The following BMPER variants were observed in gnomAD, a reference collection of about 807,000 sequenced individuals.
The protein encoded by BMPER is BMP binding endothelial regulator.
Under a neutral mutation model 87.3 loss-of-function variants are expected in BMPER, and 45 were observed. The ratio of observed to expected loss-of-function variants is 0.52; its 90% CI spans 0.41 to 0.66. The LOEUF (loss-of-function observed/expected upper bound fraction) is 0.66, where lower values mean the gene tolerates loss of function less well. Among genes scored for constraint, BMPER ranks in the 30% least tolerant of loss-of-function variants. The pLI is 0.00. For synonymous variants in BMPER, 326 were observed against 316.2 expected, an observed-to-expected ratio of 1.03 and a Z score of -0.33; for missense variants, 784 against 867.5, an observed-to-expected ratio of 0.90 and a Z score of 1.21.
chr7:34,031,352 C>T (rs2127951123), intron 6 of BMPER, among the ~76,000 whole-genome samples: 1 of 152,200 alleles, frequency 6.6e-6, no homozygotes, highest in South Asian at 2.1e-4. Flanking sequence ...CAAACCCCTC[C>T]TTAGGAAAAC....
chr7:33,970,278 A>G (rs774677595), intron 4 of BMPER, 51 bp from the exon 5 acceptor site: 2 of 1,573,112 alleles, frequency 1.3e-6, no homozygotes, highest in Non-Finnish European at 1.8e-6. Flanking sequence ...CAAAAGTAGT[A>G]ACTCCGTGGG....
rs74837974 is a variant in BMPER, at chr7:34,022,705, C to CAA, written c.577-23583_577-23582dup. The stretch of plus-strand genomic sequence containing the variant: ...TTGAACCAATCCCTTTAAGGTTTGC[C>CAA]AAAAAAAAAAAAAAAAAAAGGAAGA... On this transcript the variant is annotated intron_variant, in intron 6 of 14. Transcript: ENST00000649409. Among the ~76,000 whole-genome samples, 330 of 59,602 alleles carry CAA rather than the reference C, an allele frequency of 5.5e-3. 5 individuals are homozygous for CAA. The highest frequency in any genetic ancestry group is 0.024 in the Middle Eastern group (2 of 84). 39.1% of individuals were successfully genotyped at this position (59,602 alleles called of 152,430 possible).
At chr7:34,103,211 G>A (rs1789728657) in intron 13 of BMPER, among the ~76,000 whole-genome samples, 2 of 152,130 alleles carry the variant, frequency 1.3e-5, no homozygotes, top group Non-Finnish European at 2.9e-5. Context: ...TATGAAGTAT[G>A]ATGGAACAAA....
chr7:34,089,354 C>T (rs1390817820), intron 13 of BMPER, among the ~76,000 whole-genome samples: 1 of 152,158 alleles, frequency 6.6e-6, no homozygotes, highest in Non-Finnish European at 1.5e-5. Flanking sequence ...GGTTTCCTTA[C>T]TCTTACAACA....
intron 6 of BMPER, among the ~76,000 whole-genome samples, chr7:34,004,730 G>A (rs1042517195): frequency 6.6e-5 from 10 of 152,120 alleles, no homozygotes; most frequent in Non-Finnish European, 1.5e-4. Flanking sequence ...TCTTGAACCA[G>A]TACGACTCCC....
At position 34,155,480 on chromosome 7, in the gene BMPER, G is replaced by A. The variant is rs1583489687; in HGVS notation, c.*2207G>A. The A allele has an allele frequency of 6.6e-6, 1 of 152,136 alleles. No individual in the cohort carries two copies. The highest frequency in any genetic ancestry group is 2.4e-5 in the African/African-American group (1 of 41,420). The allele number at this position is 152,136 out of a possible 1,614,324, so 9.4% of individuals were successfully genotyped here. A position where few individuals can be genotyped will look rare whatever the true frequency, so the allele number is the denominator to read the frequency against. ...TGATGAAAGCTCTTCTGCATGAGCC[G>A]GTTTCATCATCTTGGGTGGGTTGAT... On this transcript the variant is annotated 3_prime_UTR_variant, in exon 15 of 15. Transcript: ENST00000649409.
intron 6 of BMPER, among the ~76,000 whole-genome samples, chr7:33,986,504 G>C (rs1337907641): frequency 1.3e-5 from 2 of 152,098 alleles, no homozygotes; most frequent in South Asian, 4.1e-4. Context: ...TTCCTACTTT[G>C]GTCTTGATGC....
chr7:33,990,266 T>C (rs889497260), intron 6 of BMPER, among the ~76,000 whole-genome samples: 1 of 133,456 alleles, frequency 7.5e-6, no homozygotes, highest in African/African-American at 3.0e-5. Flanking sequence ...TGTTCTTCCA[T>C]TTGTTGTATC....
Position 33,969,358 on chromosome 7 carries a change from T to C in BMPER, c.403-971T>C, listed in dbSNP as rs571346584. On this transcript the variant is annotated intron_variant, in intron 4 of 14. Transcript: ENST00000649409. ...ATATTTCAATTGACATTAAGGTGAT[T>C]AGAGTCCCAATATCAATTTGCAAAT... Among the ~76,000 whole-genome samples the C allele has an allele frequency of 4.6e-5, 7 of 152,310 alleles. No individual in the cohort carries two copies. In the South Asian group the frequency reaches 8.3e-4, roughly 18 times the overall value.
At chr7:34,068,950 G>T (rs912512145) in intron 11 of BMPER, among the ~76,000 whole-genome samples, 1 of 152,168 alleles carries the variant, frequency 6.6e-6, no homozygotes, top group African/African-American at 2.4e-5. Flanking sequence ...CATTCTACAG[G>T]CCTCCCTGGA....
rs1788742397 is a variant in BMPER at position 34,071,769 on chromosome 7, T to G, written c.1079-7088T>G. The stretch of plus-strand genomic sequence containing the variant: ...ATACAGACCCTGAGCTCAGAAACAT[T>G]TAATGTAGTTGGGGAGATGAAATAG... On this transcript the variant is annotated intron_variant, in intron 11 of 14. Transcript: ENST00000649409. 2.6e-5 allele frequency among the ~76,000 whole-genome samples: 4 copies of G among 152,160 alleles called. No individual in the cohort carries two copies. The South Asian group carries it at 8.3e-4, about 32-fold the overall frequency.
chr7:34,036,505 T>C (rs1244328021), intron 6 of BMPER, among the ~76,000 whole-genome samples: 5 of 152,086 alleles, frequency 3.3e-5, no homozygotes, highest in Non-Finnish European at 7.4e-5. Context: ...TCTCCTCCAG[T>C]TTCAGCTCAG....
chr7:34,089,701 C>A (rs1458568063), intron 13 of BMPER, among the ~76,000 whole-genome samples: 6 of 152,102 alleles, frequency 3.9e-5, no homozygotes, highest in Non-Finnish European at 8.8e-5. Flanking sequence ...CCAGGCTGAT[C>A]TCGAATTCCT....
chr7:33,979,310 C>T (rs1023191129), intron 6 of BMPER, among the ~76,000 whole-genome samples: 5 of 151,212 alleles, frequency 3.3e-5, no homozygotes, highest in African/African-American at 7.3e-5. Flanking sequence ...GTTCACCTGG[C>T]GAATGCTTGA....
chr7:34,116,366 C>T (rs1790118770), intron 13 of BMPER, among the ~76,000 whole-genome samples: 1 of 152,086 alleles, frequency 6.6e-6, no homozygotes, highest in South Asian at 2.1e-4. Context: ...TTTCCACCTG[C>T]CTTTCCTCTG....
At chr7:34,012,886 ACT>A (rs1786919318) in intron 6 of BMPER, among the ~76,000 whole-genome samples, 1 of 151,830 alleles carries the variant, frequency 6.6e-6, no homozygotes, top group Admixed American at 6.6e-5. Context: ...CAATGTGAAA[ACT>A]CTAACCATCT....
At chr7:33,925,962 T>A (rs756729353) in intron 2 of BMPER, among the ~76,000 whole-genome samples, 3 of 152,192 alleles carry the variant, frequency 2.0e-5, no homozygotes, top group Non-Finnish European at 4.4e-5. Flanking sequence ...GCAGTGGAAT[T>A]TGGTCAAAAC....
chr7:33,996,954 C>T (rs951102915), intron 6 of BMPER, among the ~76,000 whole-genome samples: 7 of 152,154 alleles, frequency 4.6e-5, no homozygotes, highest in African/African-American at 7.2e-5. Flanking sequence ...TGCTCAATCG[C>T]ACATGTGGCT....
chr7:34,115,318 A>G (rs1362629658), intron 13 of BMPER, among the ~76,000 whole-genome samples: 1 of 152,254 alleles, frequency 6.6e-6, no homozygotes, highest in Non-Finnish European at 1.5e-5. Flanking sequence ...TTTAAAAACT[A>G]AAAAACACTA....
Sources: allele counts gnomAD v4.1 joint callset (sites outside exome capture counted in the v4.1 genomes callset), GRCh38; gene constraint gnomAD v4.1.1; transcripts MANE v1.5; gene names NCBI Gene and HGNC (gene_info 2026-07-23, HGNC 2026-07-21).